Variants in TIGIT observed in about 807,000 individuals in gnomAD.
TIGIT encodes T cell immunoreceptor with Ig and ITIM domains.
Under a neutral mutation model 19.6 loss-of-function variants are expected in TIGIT, and 11 were observed. That is an observed-to-expected ratio of 0.56 (90% CI 0.35 to 0.93). The LOEUF is 0.93. Ranked by LOEUF, TIGIT falls within the 40% of genes least tolerant of loss-of-function variation. The pLI, the probability that TIGIT is intolerant of heterozygous loss-of-function variation, is 0.01. For missense variants in TIGIT, 295 were observed against 303.9 expected (o/e 0.97, Z 0.22); for synonymous variants, 130 against 125.5 (o/e 1.04, Z -0.24).
At chr3:114,304,257 A>AT (rs1391471427) in intron 3 of TIGIT, among the ~76,000 whole-genome samples, 78 of 152,100 alleles carry the variant, frequency 5.1e-4, no homozygotes, top group Non-Finnish European at 1.9e-4. Context: ...TTTTAAAACT[A>AT]TTTTTGTTTT....
rs1366719402 is a variant in TIGIT at position 114,309,406 on chromosome 3, T to G, written c.*1275T>G. On this transcript the variant is annotated 3_prime_UTR_variant, in exon 4 of 4. Transcript: ENST00000383671. The stretch of plus-strand genomic sequence containing the variant: ...CGGGGAGGTTGGATTTACTGGTGAC[T>G]GATTTTCTTTCATGGGCCAAGGAAC... 2 of 152,218 alleles carry G rather than the reference T, an allele frequency of 1.3e-5. No homozygotes were observed. Among genetic ancestry groups the G allele is most frequent in the Non-Finnish European group, 2.9e-5 (2 of 68,032 alleles). 9.4% of individuals were successfully genotyped at this position (152,218 alleles called of 1,614,324 possible). A position where few individuals can be genotyped will look rare whatever the true frequency, so the allele number is the denominator to read the frequency against.
rs984371078 is a variant in TIGIT at position 114,309,876 on chromosome 3, T to C, written c.*1745T>C. ...GTGTTATTTAACATAATTATGGTAA[T>C]TGGGAAACATTTATAAACACTATTG... On this transcript the variant is annotated 3_prime_UTR_variant, in exon 4 of 4. Coordinates refer to ENST00000383671, the MANE Select transcript of TIGIT (RefSeq NM_173799.4). 3.9e-5 allele frequency: 6 copies of C among 152,102 alleles called. No individual in the cohort carries two copies. Among genetic ancestry groups the C allele is most frequent in the African/African-American group, 1.2e-4 (5 of 41,406 alleles). 9.4% of individuals were successfully genotyped at this position (152,102 alleles called of 1,614,324 possible).
chr3:114,296,851 A>G (rs2078456308), intron 2 of TIGIT, among the ~76,000 whole-genome samples: 1 of 151,634 alleles, frequency 6.6e-6, no homozygotes, highest in East Asian at 1.9e-4. Context: ...AACTGAGAAG[A>G]TAAAAGGTTA....
Position 114,307,948 on chromosome 3 carries a change from TGGACA to T in TIGIT, c.556_560del (p.Gln186GlyfsTer37). 1 of 1,614,140 alleles carries T rather than the reference TGGACA, an allele frequency of 6.2e-7. No homozygotes were observed. The highest frequency in any genetic ancestry group is 8.5e-7 in the Non-Finnish European group (1 of 1,180,028). ...AAGGTGACCTCAGGAGAAAATCAGC[TGGACA>T]GGAGGAATGGAGCCCCAGTGCTCCC... is the stretch of plus-strand genomic sequence containing the variant. On this transcript the variant is annotated frameshift_variant, in exon 4 of 4. Transcript: ENST00000383671. LOFTEE classifies it low-confidence loss of function (END_TRUNC).
At chr3:114,300,551 C>A (rs541586703) in intron 3 of TIGIT, among the ~76,000 whole-genome samples, 1 of 152,032 alleles carries the variant, frequency 6.6e-6, no homozygotes, top group Non-Finnish European at 1.5e-5. Flanking sequence ...CTTTCAAGGT[C>A]TTCATTTCCT....
At chr3:114,301,900 C>T (rs1472089324) in intron 3 of TIGIT, among the ~76,000 whole-genome samples, 2 of 152,178 alleles carry the variant, frequency 1.3e-5, no homozygotes, top group African/African-American at 4.8e-5. Flanking sequence ...CAGCAGGGAA[C>T]ATGTAGTACT....
In TIGIT at chr3:114,307,187, G is replaced by A. The variant is rs565824019; in HGVS notation, c.499-708G>A. ...GGGGCAGGAGTGGTTTGTTGGGGCA[G>A]GAATGTGATGGTGTCGTTTGAGACA... On this transcript the variant is annotated intron_variant, in intron 3 of 3. Transcript: ENST00000383671. Among the ~76,000 whole-genome samples the A allele has an allele frequency of 7.9e-5, 12 of 152,308 alleles. No homozygotes were observed. In the South Asian group the frequency reaches 1.9e-3, roughly 24 times the overall value.
chr3:114,303,628 TATAC>T (rs1215211204), intron 3 of TIGIT, among the ~76,000 whole-genome samples: 8 of 69,094 alleles, frequency 1.2e-4, no homozygotes, highest in African/African-American at 2.9e-4. Context: ...TATGTATATA[TATAC>T]ACACACACAC....
intron 2 of TIGIT, among the ~76,000 whole-genome samples, chr3:114,296,955 C>A (rs113567582): frequency 6.9e-6 from 1 of 144,082 alleles, no homozygotes; most frequent in South Asian, 2.1e-4. Context: ...AGTGCAATGG[C>A]GCAATCTCAG....
chr3:114,299,733 TG>T, intron 3 of TIGIT, 30 bp downstream of exon 3: 1 of 1,498,434 alleles, frequency 6.7e-7, no homozygotes. Context: ...ACCGCAGTCA[TG>T]GGCACCCCCA....
intron 2 of TIGIT, among the ~76,000 whole-genome samples, 163 bp from the exon 3 acceptor site, chr3:114,299,434 G>T (rs906450226): frequency 3.3e-5 from 5 of 152,180 alleles, no homozygotes; most frequent in Non-Finnish European, 7.3e-5. Flanking sequence ...GGGCCAGATG[G>T]ATACTCTGCT....
intron 2 of TIGIT, among the ~76,000 whole-genome samples, chr3:114,298,409 C>T (rs1214503066): frequency 1.3e-5 from 2 of 152,224 alleles, no homozygotes; most frequent in African/African-American, 4.8e-5. Flanking sequence ...GCTTTTCACT[C>T]CATCTATCTT....
intron 3 of TIGIT, among the ~76,000 whole-genome samples, chr3:114,301,798 T>C (rs2078494279): frequency 6.6e-6 from 1 of 152,242 alleles, no homozygotes; most frequent in African/African-American, 2.4e-5. Context: ...GTGGGTCCTC[T>C]CTGCATCTTT....
intron 3 of TIGIT, among the ~76,000 whole-genome samples, chr3:114,304,894 C>T (rs945796251): frequency 6.6e-6 from 1 of 152,220 alleles, no homozygotes; most frequent in Non-Finnish European, 1.5e-5. Context: ...TATCAAGATG[C>T]TAGCTTTGGC....
intron 1 of TIGIT, 152 bp downstream of exon 1, chr3:114,294,274 T>G: frequency 1.6e-6 from 1 of 623,308 alleles, no homozygotes; most frequent in Non-Finnish European, 2.8e-6. Context: ...TGTACTCTTA[T>G]TTAAGAAAGG....
chr3:114,307,231 C>T (rs1303625628), intron 3 of TIGIT, among the ~76,000 whole-genome samples: 1 of 152,128 alleles, frequency 6.6e-6, no homozygotes, highest in African/African-American at 2.4e-5. Flanking sequence ...CTGAGCTTGC[C>T]GTGGGTCATC....
Position 114,305,806 on chromosome 3 carries a change from ATGGATGGATGGATGGATGGATGGT to A in TIGIT, c.499-2073_499-2050del, listed in dbSNP as rs1207834552. ...GATGGATGGATGGATGGATGGATGGATGGATGGATGGATGGATGGATGGTTGGATGGATGGATGGGTGGGTGGAT... is the reference window on the plus strand; with the variant it reads ...GATGGATGGATGGATGGATGGATGGATGGATGGATGGATGGGTGGGTGGAT... On this transcript the variant is annotated intron_variant, in intron 3 of 3. Coordinates refer to ENST00000383671, the MANE Select transcript of TIGIT (RefSeq NM_173799.4). Among the ~76,000 whole-genome samples the A allele has an allele frequency of 4.6e-5, 7 of 150,980 alleles. 1 individual carries two copies. The highest frequency in any genetic ancestry group is 1.5e-4 in the African/African-American group (6 of 41,110).
chr3:114,304,199 G>A (rs1375129473), intron 3 of TIGIT, among the ~76,000 whole-genome samples: 1 of 151,868 alleles, frequency 6.6e-6, no homozygotes, highest in Non-Finnish European at 1.5e-5. Flanking sequence ...CAATCTGTGG[G>A]CTGTTTACTC....
chr3:114,295,616 T>A lies in TIGIT; in HGVS notation c.133T>A (p.Cys45Ser). The part of the protein sequence containing the change: ...AEKGGSIILQ[C>S]HLSSTTAQVT... The stretch of plus-strand genomic sequence containing the variant: ...GAAAGGTGGCTCTATCATCTTACAA[T>A]GTCACCTCTCCTCCACCACGGCACA... Residue 45 changes from cysteine (C) to serine (S), a missense_variant, in exon 2 of 4, where the codon TGT (cysteine) becomes AGT (serine). Coordinates refer to ENST00000383671, the MANE Select transcript of TIGIT (RefSeq NM_173799.4). 1 of 1,614,180 alleles carries A rather than the reference T, an allele frequency of 6.2e-7. No homozygotes were observed. The highest frequency in any genetic ancestry group is 2.2e-5 in the East Asian group (1 of 44,878).
Sources: gnomAD v4.1 joint callset for allele counts (sites outside exome capture counted in the v4.1 genomes callset) on GRCh38, gnomAD v4.1.1 for gene constraint, MANE v1.5 for transcripts, NCBI Gene and HGNC (gene_info 2026-07-23, HGNC 2026-07-21) for gene names.